CEP85L: variants seen among roughly 807,000 people sequenced by gnomAD.
The protein encoded by CEP85L is centrosomal protein 85L, also known as centrosomal protein of 85 kDa-like.
CEP85L carries 60 observed loss-of-function variants against 100.3 expected under a neutral mutation model. The ratio of observed to expected loss-of-function variants is 0.60; its 90% confidence interval spans 0.49 to 0.74. The LOEUF is 0.74. Ranked by LOEUF, CEP85L falls within the 30% of genes least tolerant of loss-of-function variation. The pLI is 0.00. For missense variants in CEP85L, 973 were observed against 936.2 expected (o/e 1.04, Z -0.51); for synonymous variants, 319 against 322.7 (o/e 0.99, Z 0.12).
At chr6:118,583,251 C>T (rs1274685313) in intron 2 of CEP85L, among the ~76,000 whole-genome samples, 3 of 152,138 alleles carry the variant, frequency 2.0e-5, no homozygotes, top group Admixed American at 1.3e-4. Context: ...GCACAGGAAC[C>T]CTGAGTGATT....
intron 1 of CEP85L, among the ~76,000 whole-genome samples, chr6:118,702,857 T>G (rs929705783): frequency 4.0e-5 from 6 of 151,602 alleles, no homozygotes; most frequent in Non-Finnish European, 7.4e-5. Flanking sequence ...TAAGCCGGGC[T>G]TGGTGGCGGG....
chr6:118,476,518 T>C (rs567433470), intron 10 of CEP85L, among the ~76,000 whole-genome samples: 48 of 152,264 alleles, frequency 3.2e-4, no homozygotes, highest in African/African-American at 1.2e-3. Flanking sequence ...GGGAAAACAT[T>C]AAAGCAATTG....
intron 5 of CEP85L, among the ~76,000 whole-genome samples, chr6:118,496,352 A>ACATTTTT (rs1774917169): frequency 3.4e-5 from 4 of 118,132 alleles, no homozygotes; most frequent in African/African-American, 1.0e-4. Context: ...ATTTTATTTT[A>ACATTTTT]TATTTTTTAT....
intron 2 of CEP85L, among the ~76,000 whole-genome samples, chr6:118,600,029 T>C (rs968880331): frequency 2.0e-5 from 3 of 151,906 alleles, no homozygotes; most frequent in Admixed American, 2.0e-4. Context: ...TCTAATAAAG[T>C]CTATGGTTAA....
chr6:118,646,900 A>C lies in CEP85L; in HGVS notation c.73+4297T>G, dbSNP rs888841495. On this transcript the variant is annotated intron_variant, in intron 1 of 12. Transcript: ENST00000368491. ...TTACAACATGACAATAGAGGTTATC[A>C]ACTCACCATTTATTGCTTGGCCTCA... 7 of 981,720 alleles carry C rather than the reference A, an allele frequency of 7.1e-6. No individual in the cohort carries two copies. In the African/African-American group the frequency reaches 1.0e-4, roughly 15 times the overall value. 60.8% of individuals were successfully genotyped at this position (981,720 alleles called of 1,614,324 possible). A position where few individuals can be genotyped will look rare whatever the true frequency, so the allele number is the denominator to read the frequency against.
intron 1 of CEP85L, among the ~76,000 whole-genome samples, chr6:118,665,995 C>T (rs187455374): frequency 6.6e-6 from 1 of 152,266 alleles, no homozygotes; most frequent in Admixed American, 6.5e-5. Context: ...AGTTATCACC[C>T]ACATATGATT....
intron 8 of CEP85L, 89 bp downstream of exon 8, chr6:118,481,690 T>C: frequency 2.5e-6 from 2 of 798,158 alleles, no homozygotes. Context: ...TTAAGGAGAA[T>C]AAAATAAAAA....
intron 2 of CEP85L, among the ~76,000 whole-genome samples, chr6:118,569,341 C>CAAAAAAAAAAAAAAAAAAAAAAA (rs56123225): frequency 1.0e-4 from 7 of 68,214 alleles, no homozygotes; most frequent in African/African-American, 2.7e-4. Context: ...GACTCTGTCT[C>CAAAAAAAAAAAAAAAAAAAAAAA]AAAAAAAAAA....
At chr6:118,562,040 C>G (rs552655117) in intron 3 of CEP85L, among the ~76,000 whole-genome samples, 3 of 152,156 alleles carry the variant, frequency 2.0e-5, no homozygotes, top group Non-Finnish European at 4.4e-5. Flanking sequence ...GAAAACTTGA[C>G]AGATGAAAAA....
In CEP85L at chr6:118,543,114, TAG is replaced by T. The variant is rs536420935; in HGVS notation, c.1021-19196_1021-19195del. Among the ~76,000 whole-genome samples the T allele has an allele frequency of 5.8e-4, 89 of 152,242 alleles. 3 individuals are homozygous for T. In the South Asian group the frequency reaches 0.017, roughly 28 times the overall value. On this transcript the variant is annotated intron_variant, in intron 3 of 12. Transcript: ENST00000368491. ...TAGCTCATCTGATGGCCTATTTTTA[TAG>T]AGACACTGCCCAATTCATGAATCAT...
chr6:118,500,788 G>A (rs1239207430), intron 5 of CEP85L, among the ~76,000 whole-genome samples: 1 of 152,184 alleles, frequency 6.6e-6, no homozygotes, highest in Non-Finnish European at 1.5e-5. Flanking sequence ...CTGCATGCCA[G>A]CCTAAGCAAC....
intron 10 of CEP85L, among the ~76,000 whole-genome samples, chr6:118,476,360 A>G (rs914976755): frequency 6.6e-6 from 1 of 151,920 alleles, no homozygotes; most frequent in Non-Finnish European, 1.5e-5. Context: ...TTAACTTCTG[A>G]TAAGAATACT....
rs1421960845 is a variant in CEP85L at position 118,568,477 on chromosome 6, G to A, written c.233-2161C>T. ...AGAAAAATAAATCCATGTATCTACA[G>A]TATGGAGTTAAAGTGCCAAGAAAAG... On this transcript the variant is annotated intron_variant, in intron 2 of 12. Coordinates refer to ENST00000368491, the MANE Select transcript of CEP85L (RefSeq NM_001042475.3). Among the ~76,000 whole-genome samples the A allele has an allele frequency of 7.2e-5, 11 of 152,210 alleles. No homozygotes were observed. The East Asian group carries it at 1.9e-3, about 27-fold the overall frequency.
intron 3 of CEP85L, among the ~76,000 whole-genome samples, chr6:118,526,377 T>A (rs1047135459): frequency 2.0e-5 from 3 of 152,198 alleles, no homozygotes; most frequent in African/African-American, 7.2e-5. Flanking sequence ...ACAAGTGACC[T>A]TCAGGACCCC....
At position 118,613,211 on chromosome 6, in the gene CEP85L, C is replaced by T. The variant is rs537331499; in HGVS notation, c.232+19242G>A. Among the ~76,000 whole-genome samples the T allele has an allele frequency of 4.6e-5, 7 of 151,202 alleles. No individual in the cohort carries two copies. The East Asian group carries it at 1.4e-3, about 30-fold the overall frequency. ...GGGCAACAAGAGCAAAACTCCGTCT[C>T]GAAAAAAAGAAAGAAAAACAATAAC... On this transcript the variant is annotated intron_variant, in intron 2 of 12. Coordinates refer to ENST00000368491, the MANE Select transcript of CEP85L (RefSeq NM_001042475.3).
chr6:118,696,528 G>C (rs1303420507), intron 1 of CEP85L, among the ~76,000 whole-genome samples: 1 of 152,192 alleles, frequency 6.6e-6, no homozygotes, highest in African/African-American at 2.4e-5. Flanking sequence ...GGTCCATATT[G>C]TTGAGCTTGT....
At chr6:118,576,652 G>A (rs1780252402) in intron 2 of CEP85L, among the ~76,000 whole-genome samples, 1 of 152,012 alleles carries the variant, frequency 6.6e-6, no homozygotes, top group African/African-American at 2.4e-5. Flanking sequence ...CATATGGGGG[G>A]AATCCTCAGA....
chr6:118,698,124 G>A (rs1406700178), intron 1 of CEP85L, among the ~76,000 whole-genome samples: 2 of 152,162 alleles, frequency 1.3e-5, no homozygotes, highest in Non-Finnish European at 2.9e-5. Context: ...CTCAAGAAAA[G>A]GAGCTGAAGG....
intron 12 of CEP85L, among the ~76,000 whole-genome samples, chr6:118,467,189 GAGGAGATAAATGTCTGGGTAA>G (rs1339993103): frequency 6.6e-6 from 1 of 152,146 alleles, no homozygotes; most frequent in African/African-American, 2.4e-5. Flanking sequence ...CTGGAGCCCA[GAGGAGATAAATGTCTGGGTAA>G]AGGAGATAAA....
Sources: allele counts gnomAD v4.1 joint callset (sites outside exome capture counted in the v4.1 genomes callset), GRCh38; gene constraint gnomAD v4.1.1; transcripts MANE v1.5; gene names NCBI Gene and HGNC (gene_info 2026-07-23, HGNC 2026-07-21).